MYO5B: variants seen among roughly 807,000 people sequenced by gnomAD.
MYO5B encodes the protein myosin VB.
Under a neutral mutation model 229.3 loss-of-function variants are expected in MYO5B, and 143 were observed. The ratio of observed to expected loss-of-function variants is 0.62; its 90% CI spans 0.54 to 0.72. The LOEUF (loss-of-function observed/expected upper bound fraction) is 0.72, where lower values mean the gene tolerates loss of function less well. Among genes scored for constraint, MYO5B ranks in the 30% least tolerant of loss-of-function variants. The probability of loss-of-function intolerance (pLI) is 0.00; values close to 1 mark genes in which losing one functional copy is unlikely to be tolerated. For synonymous variants in MYO5B, 918 were observed against 885.2 expected (o/e 1.04, Z -0.66); for missense variants, 2,321 against 2,331.0 (o/e 1.00, Z 0.09).
chr18:50,115,798 G>T (rs1484086222), intron 1 of MYO5B, among the ~76,000 whole-genome samples: 1 of 150,914 alleles, frequency 6.6e-6, no homozygotes, highest in Non-Finnish European at 1.5e-5. Flanking sequence ...AGTTTCTCTG[G>T]TCAGGATTCT....
chr18:49,947,943 A>T (rs1482519100), intron 14 of MYO5B, among the ~76,000 whole-genome samples: 1 of 152,340 alleles, frequency 6.6e-6, no homozygotes, highest in East Asian at 1.9e-4. Context: ...TACATGTGCC[A>T]TGTTGGTGTG....
chr18:50,064,966 C>A (rs1339076669), intron 1 of MYO5B, among the ~76,000 whole-genome samples: 1 of 152,152 alleles, frequency 6.6e-6, no homozygotes, highest in Non-Finnish European at 1.5e-5. Context: ...GGGGAAACTG[C>A]ACCTTGTATT....
At chr18:49,879,350 C>G (rs2024561622) in intron 23 of MYO5B, 1 of 500,416 alleles carries the variant, frequency 2.0e-6, no homozygotes, top group Non-Finnish European at 3.6e-6. Flanking sequence ...TGAGAATTCC[C>G]TCAGTTGATG....
intron 12 of MYO5B, among the ~76,000 whole-genome samples, chr18:49,960,949 G>A (rs2025552098): frequency 6.6e-6 from 1 of 152,194 alleles, no homozygotes; most frequent in African/African-American, 2.4e-5. Context: ...CACCAGCTTA[G>A]CATCCCAGAG....
intron 17 of MYO5B, among the ~76,000 whole-genome samples, chr18:49,916,519 G>A (rs189098776): frequency 9.8e-5 from 15 of 152,330 alleles, no homozygotes; most frequent in African/African-American, 2.6e-4. Context: ...TCCAAAGACC[G>A]GAATTCTCTT....
At chr18:50,140,387 T>C (rs1215021060) in intron 1 of MYO5B, among the ~76,000 whole-genome samples, 1 of 152,212 alleles carries the variant, frequency 6.6e-6, no homozygotes, top group African/African-American at 2.4e-5. Flanking sequence ...AATGCCTCAG[T>C]GCACAGAAAT....
At chr18:49,933,278 C>T (rs533380659) in intron 16 of MYO5B, among the ~76,000 whole-genome samples, 4 of 152,314 alleles carry the variant, frequency 2.6e-5, no homozygotes, top group Admixed American at 2.6e-4. Context: ...CGCCCCAGGC[C>T]ACTGCTGCTC....
At chr18:49,867,760 A>G (rs945084874) in intron 27 of MYO5B, among the ~76,000 whole-genome samples, 8 of 121,200 alleles carry the variant, frequency 6.6e-5, no homozygotes, top group African/African-American at 2.0e-4. Flanking sequence ...CCACCATTCT[A>G]TAACTCTGTA....
chr18:49,906,765 G>A (rs1317046496), intron 18 of MYO5B, 135 bp from the exon 19 acceptor site: 4 of 787,760 alleles, frequency 5.1e-6, no homozygotes, highest in South Asian at 1.7e-5. Flanking sequence ...TGGACACAAA[G>A]TCTCAGCATT....
chr18:50,120,647 G>A (rs1378081277), intron 1 of MYO5B, among the ~76,000 whole-genome samples: 1 of 152,146 alleles, frequency 6.6e-6, no homozygotes, highest in African/African-American at 2.4e-5. Flanking sequence ...TAAGCTGCTC[G>A]ACCTCAAGCA....
intron 1 of MYO5B, among the ~76,000 whole-genome samples, chr18:50,074,490 G>A (rs544210184): frequency 1.3e-5 from 2 of 152,288 alleles, no homozygotes; most frequent in South Asian, 4.1e-4. Flanking sequence ...CTTGAATCCT[G>A]CATGTCCTCT....
intron 10 of MYO5B, among the ~76,000 whole-genome samples, chr18:49,973,763 C>A (rs1478850254): frequency 2.0e-5 from 3 of 152,166 alleles, no homozygotes; most frequent in African/African-American, 4.8e-5. Context: ...ACACTTTCAC[C>A]ACACCACGGT....
Position 50,079,591 on chromosome 18 carries a change from A to C in MYO5B, c.28-24213T>G, listed in dbSNP as rs191186020. ...TCCCTTTCAAATACCTGTTGGTCTCACTGGCATTGGAGAATATGAATGGAT... is the reference window on the plus strand; with the variant it reads ...TCCCTTTCAAATACCTGTTGGTCTCCCTGGCATTGGAGAATATGAATGGAT... On this transcript the variant is annotated intron_variant, in intron 1 of 39. Coordinates refer to ENST00000285039, the MANE Select transcript of MYO5B (RefSeq NM_001080467.3). Among the ~76,000 whole-genome samples, 879 of 152,278 alleles carry C rather than the reference A, an allele frequency of 5.8e-3. 8 individuals carry two copies. Among genetic ancestry groups the C allele is most frequent in the African/African-American group, 0.02 (812 of 41,554 alleles).
In MYO5B at chr18:49,984,726, G is replaced by T. The variant is rs748007470; in HGVS notation, c.938C>A (p.Thr313Lys). The T allele has an allele frequency of 1.2e-6, 2 of 1,609,674 alleles. No individual in the cohort carries two copies. Among genetic ancestry groups the T allele is most frequent in the South Asian group, 1.1e-5 (1 of 90,990 alleles). Residue 313 changes from threonine to lysine, a missense_variant, in exon 8 of 40, where the codon ACA becomes AAA. Physicochemically the swap from Thr to Lys is moderately conservative, Grantham distance 78 (BLOSUM62 -1). Coordinates refer to ENST00000285039, the MANE Select transcript of MYO5B (RefSeq NM_001080467.3). ...EDFEKTRQAF[T>K]LLGVKESHQM... ...ACTAAGAAGCTCCTTACCGAGGAGT[G>T]TGAAGGCTTGTCGAGTCTTCTCAAA...
chr18:50,007,285 T>C (rs948443549), intron 4 of MYO5B, among the ~76,000 whole-genome samples: 2 of 152,174 alleles, frequency 1.3e-5, no homozygotes, highest in African/African-American at 4.8e-5. Flanking sequence ...CACTGGGGAT[T>C]TCTCCCTTTC....
At chr18:49,977,849 G>C (rs1213957857) in intron 9 of MYO5B, among the ~76,000 whole-genome samples, 1 of 152,188 alleles carries the variant, frequency 6.6e-6, no homozygotes, top group Non-Finnish European at 1.5e-5. Context: ...TTTCCACACA[G>C]GGCTTTCTGG....
At chr18:50,137,264 C>T (rs945369184) in intron 1 of MYO5B, among the ~76,000 whole-genome samples, 1 of 152,254 alleles carries the variant, frequency 6.6e-6, no homozygotes, top group African/African-American at 2.4e-5. Context: ...AAAATCTATA[C>T]TCCACTTACA....
chr18:50,191,590 T>C (rs1047225307), intron 1 of MYO5B, among the ~76,000 whole-genome samples: 1 of 152,230 alleles, frequency 6.6e-6, no homozygotes, highest in African/African-American at 2.4e-5. Context: ...CCTACAAGTA[T>C]TGTCTTTAAA....
At chr18:49,883,435 G>A (rs543296654) in intron 22 of MYO5B, among the ~76,000 whole-genome samples, 1 of 152,228 alleles carries the variant, frequency 6.6e-6, no homozygotes, top group African/African-American at 2.4e-5. Context: ...AACAAGAGAA[G>A]TATAAAATTC....
Sources: allele counts gnomAD v4.1 joint callset (sites outside exome capture counted in the v4.1 genomes callset), GRCh38; gene constraint gnomAD v4.1.1; transcripts MANE v1.5; gene names NCBI Gene and HGNC (gene_info 2026-07-23, HGNC 2026-07-21).